Variants in NTMT1 observed in about 807,000 individuals in gnomAD.
NTMT1 encodes N-terminal RCC1 methyltransferase.
In NTMT1, 8 loss-of-function variants were observed where a neutral mutation model predicts 17.5. The ratio of observed to expected loss-of-function variants is 0.46; its 90% CI spans 0.27 to 0.82. The LOEUF (loss-of-function observed/expected upper bound fraction) is 0.82, where lower values mean the gene tolerates loss of function less well. Among genes scored for constraint, NTMT1 ranks in the 40% least tolerant of loss-of-function variants. The probability of loss-of-function intolerance (pLI) is 0.15; values close to 1 mark genes in which losing one functional copy is unlikely to be tolerated. For synonymous variants in NTMT1, 128 were observed against 126.8 expected (o/e 1.01, Z -0.06); for missense variants, 221 against 303.5 (o/e 0.73, Z 2.02).
chr9:129,614,907 A>G lies in NTMT1; in HGVS notation c.-55+5729A>G, dbSNP rs1830278295. Among the ~76,000 whole-genome samples, 1 of 152,070 alleles carries G rather than the reference A, an allele frequency of 6.6e-6. No individual in the cohort carries two copies. Among genetic ancestry groups the G allele is most frequent in the Non-Finnish European group, 1.5e-5 (1 of 68,010 alleles). ...ACAGAGTGAGACTCCGTATCAGAAAAAAAAAAAGAAAAAGAAAACTCACTG... is the reference window on the plus strand; with the variant it reads ...ACAGAGTGAGACTCCGTATCAGAAAGAAAAAAAGAAAAAGAAAACTCACTG... On this transcript the variant is annotated intron_variant, in intron 1 of 3. Coordinates refer to the NTMT1 transcript ENST00000372486. The surrounding 1 kb of genome is among the most constrained non-coding windows in gnomAD (Gnocchi z 4.4).
intron 1 of NTMT1, among the ~76,000 whole-genome samples, chr9:129,629,125 C>CAGGTTAT (rs368156856): frequency 1.1e-4 from 16 of 151,986 alleles, no homozygotes; most frequent in African/African-American, 3.9e-4. Flanking sequence ...CCAAAGGGCT[C>CAGGTTAT]AGGTTATAGG....
intron 2 of NTMT1, chr9:129,633,297 GC>G: frequency 3.1e-6 from 1 of 320,132 alleles, no homozygotes. Context: ...CAGTCCTGGA[GC>G]CCCCCACCTT....
chr9:129,612,500 G>T (rs1372385190), intron 1 of NTMT1: 12 of 1,466,520 alleles, frequency 8.2e-6, no homozygotes, highest in African/African-American at 1.4e-5. Flanking sequence ...GGACCTCGGG[G>T]CAGGGGACTG....
rs1831377497 is a variant in NTMT1 at position 129,634,284 on chromosome 9, G to C, written c.393G>C (p.Val131=). 6.2e-7 allele frequency: 1 copy of C among 1,607,898 alleles called. No homozygotes were observed. The highest frequency in any genetic ancestry group is 1.3e-5 in the African/African-American group (1 of 74,968). The change falls in exon 3 of 4, where the codon GTG becomes GTC. Residue 131 remains valine (V), a synonymous_variant. Coordinates refer to ENST00000372483, the MANE Select transcript of NTMT1 (RefSeq NM_014064.4). Reference sequence around the variant, plus strand: ...CCCCGGAGCCGGACTCTTACGACGTGATCTGGATCCAGTGGGTGATAGGTG... The same window carrying C: ...CCCCGGAGCCGGACTCTTACGACGTCATCTGGATCCAGTGGGTGATAGGTG... The part of the protein sequence containing the change: ...DFTPEPDSYD[V]IWIQWVIGHL...
intron 1 of NTMT1, chr9:129,612,303 A>G (rs1312875805): frequency 1.3e-6 from 2 of 1,532,040 alleles, no homozygotes; most frequent in East Asian, 4.5e-5. Flanking sequence ...GACGCTCCTC[A>G]TTGCCTGGCC....
chr9:129,621,531 A>G (rs1373491023), upstream of NTMT1, among the ~76,000 whole-genome samples: 2 of 152,240 alleles, frequency 1.3e-5, no homozygotes, highest in East Asian at 1.9e-4. Context: ...TAATTTTTGT[A>G]TATTTTGTAG....
At chr9:129,617,292 T>G (rs1830439485) in intron 1 of NTMT1, among the ~76,000 whole-genome samples, 2 of 152,206 alleles carry the variant, frequency 1.3e-5, no homozygotes, top group Middle Eastern at 3.2e-3. Flanking sequence ...GTCAGGACAG[T>G]GCCTGGCTAC....
At chr9:129,631,563 A>G (rs1379669731) in intron 1 of NTMT1, among the ~76,000 whole-genome samples, 1 of 152,194 alleles carries the variant, frequency 6.6e-6, no homozygotes, top group African/African-American at 2.4e-5. Context: ...CGCCGCCAGC[A>G]GTCTTCAGAA....
intron 1 of NTMT1, chr9:129,615,470 T>A: frequency 6.4e-7 from 1 of 1,570,004 alleles, no homozygotes; most frequent in Non-Finnish European, 8.6e-7. Context: ...AGGCTCCCCA[T>A]CCTGTCTGCT....
chr9:129,632,317 A>G (rs1293059699), intron 1 of NTMT1, among the ~76,000 whole-genome samples: 1 of 152,180 alleles, frequency 6.6e-6, no homozygotes, highest in Non-Finnish European at 1.5e-5. Flanking sequence ...GGTGGCACAC[A>G]ACTGTAGTCC....
At chr9:129,634,693 G>C (rs1488891919) in intron 3 of NTMT1, 1 of 223,682 alleles carries the variant, frequency 4.5e-6, no homozygotes, top group African/African-American at 2.3e-5. Flanking sequence ...AGCACACCTC[G>C]AGCGCTGTGC....
rs1037485577 is a variant in NTMT1 at position 129,635,761 on chromosome 9, A to T, written c.*297A>T. 2 of 324,236 alleles carry T rather than the reference A, an allele frequency of 6.2e-6. No homozygotes were observed. The highest frequency in any genetic ancestry group is 4.3e-5 in the African/African-American group (2 of 46,678). The allele number at this position is 324,236 out of a possible 1,614,324, so 20.1% of individuals were successfully genotyped here. On this transcript the variant is annotated 3_prime_UTR_variant, in exon 4 of 4. Transcript: ENST00000372483. ...CTCCCCATGTGGGAATAGGGTGGCC[A>T]CATCAGTAACCGATTCCCTGGGCCT...
Position 129,613,577 on chromosome 9 carries a change from T to C in NTMT1, c.-55+4399T>C. Reference sequence around the variant, plus strand: ...GCCACTGGCAGGGCGGCCTTCTGGTTCACAATGACGCTCTGTTGGACTGCA... The same window carrying C: ...GCCACTGGCAGGGCGGCCTTCTGGTCCACAATGACGCTCTGTTGGACTGCA... On this transcript the variant is annotated intron_variant, in intron 1 of 3. Coordinates refer to the NTMT1 transcript ENST00000372486. The surrounding 1 kb of genome is among the most constrained non-coding windows in gnomAD (Gnocchi z 6.2). The C allele has an allele frequency of 6.2e-7, 1 of 1,614,154 alleles. No homozygotes were observed. The highest frequency in any genetic ancestry group is 8.5e-7 in the Non-Finnish European group (1 of 1,180,020).
intron 1 of NTMT1, chr9:129,612,151 C>T: frequency 3.5e-6 from 2 of 572,800 alleles, no homozygotes; most frequent in East Asian, 5.9e-5. Flanking sequence ...ACCCCTCAGC[C>T]TCATCCTGGC....
Position 129,613,607 on chromosome 9 carries a change from A to G in NTMT1, c.-55+4429A>G. ...ATGACGCTCTGTTGGACTGCAGGAA[A>G]GAGGGCAGGGTGAGATCTCTGCCCA... On this transcript the variant is annotated intron_variant, in intron 1 of 3. Coordinates refer to the NTMT1 transcript ENST00000372486. The surrounding 1 kb of genome is among the most constrained non-coding windows in gnomAD (Gnocchi z 6.2). The G allele has an allele frequency of 6.2e-7, 1 of 1,614,040 alleles. No individual in the cohort carries two copies. The highest frequency in any genetic ancestry group is 2.2e-5 in the East Asian group (1 of 44,872).
rs41278722 is a variant in NTMT1, at chr9:129,633,949, G to A, written c.163-105G>A. ...TCCCCACCAGTGCTCAGCTTGTGCG[G>A]AGTCCTGGAATCCTGACTTGAGTCT... On this transcript the variant is annotated intron_variant, in intron 2 of 3. Transcript: ENST00000372483. 3 of 1,328,168 alleles carry A rather than the reference G, an allele frequency of 2.3e-6. No homozygotes were observed. The Admixed American group carries it at 7.6e-5, about 33-fold the overall frequency. 82.3% of individuals were successfully genotyped at this position (1,328,168 alleles called of 1,614,324 possible). A position where few individuals can be genotyped will look rare whatever the true frequency, so the allele number is the denominator to read the frequency against.
intron 1 of NTMT1, chr9:129,619,802 A>AC (rs765138458): frequency 1.2e-6 from 2 of 1,613,836 alleles, no homozygotes; most frequent in Admixed American, 3.3e-5. Context: ...GCTCTAATAC[A>AC]CCCCTTTGAT....
Position 129,635,727 on chromosome 9 carries a change from C to T in NTMT1, c.*263C>T. On this transcript the variant is annotated 3_prime_UTR_variant, in exon 4 of 4. Transcript: ENST00000372483. Reference sequence around the variant, plus strand: ...GGATTGGGTGGAAGGGGCTCCAGGGCTCCTGGTGCTCCCCATGTGGGAATA... The same window carrying T: ...GGATTGGGTGGAAGGGGCTCCAGGGTTCCTGGTGCTCCCCATGTGGGAATA... 3 of 433,830 alleles carry T rather than the reference C, an allele frequency of 6.9e-6. No individual in the cohort carries two copies. In the South Asian group the frequency reaches 9.7e-5, roughly 14 times the overall value. The allele number at this position is 433,830 out of a possible 1,614,324, so 26.9% of individuals were successfully genotyped here. A position where few individuals can be genotyped will look rare whatever the true frequency, so the allele number is the denominator to read the frequency against.
chr9:129,627,027 G>A (rs1319214257), intron 1 of NTMT1, among the ~76,000 whole-genome samples: 1 of 152,210 alleles, frequency 6.6e-6, no homozygotes, highest in Non-Finnish European at 1.5e-5. Flanking sequence ...TGAGCCTCTG[G>A]GAGGAACCAG....
Sources: allele counts gnomAD v4.1 joint callset (sites outside exome capture counted in the v4.1 genomes callset), GRCh38; gene constraint gnomAD v4.1.1; non-coding constraint Gnocchi (gnomAD v3.1); transcripts MANE v1.5; gene names NCBI Gene and HGNC (gene_info 2026-07-23, HGNC 2026-07-21).